Variants in EBF1 observed in about 807,000 individuals in gnomAD.
EBF1 encodes the protein EBF transcription factor 1, also known as transcription factor COE1.
A neutral mutation model predicts 68.4 loss-of-function variants in EBF1; 10 were observed. That is an observed-to-expected ratio of 0.15 (90% CI 0.09 to 0.25). The LOEUF is 0.25. Among genes scored for constraint, EBF1 ranks in the 10% least tolerant of loss-of-function variants. The pLI is 1.00. For missense variants in EBF1, 509 were observed against 794.4 expected (o/e 0.64, Z 4.32); for synonymous variants, 298 against 299.8 (o/e 0.99, Z 0.06).
intron 9 of EBF1, among the ~76,000 whole-genome samples, chr5:158,781,428 A>G (rs1041681800): frequency 8.6e-5 from 13 of 151,696 alleles, no homozygotes; most frequent in African/African-American, 2.9e-4. Context: ...ACCTCAGCTA[A>G]ACTGATTTCC....
intron 6 of EBF1, among the ~76,000 whole-genome samples, chr5:158,860,537 T>C (rs1794793253): frequency 6.6e-6 from 1 of 152,178 alleles, no homozygotes. Flanking sequence ...CCTCTCACGA[T>C]TTCCACTGAG....
chr5:158,860,871 G>C (rs1794850632), intron 6 of EBF1, among the ~76,000 whole-genome samples: 1 of 152,116 alleles, frequency 6.6e-6, no homozygotes, highest in South Asian at 2.1e-4. Context: ...CCCTGCACAA[G>C]GGTGAGCGTG....
chr5:158,743,999 C>T (rs1349293249), intron 10 of EBF1, among the ~76,000 whole-genome samples: 1 of 151,890 alleles, frequency 6.6e-6, no homozygotes, highest in Non-Finnish European at 1.5e-5. Context: ...GGTGAAACTC[C>T]GTCTCTACTA....
At chr5:158,857,833 CT>C (rs1794323661) in intron 6 of EBF1, among the ~76,000 whole-genome samples, 1 of 152,172 alleles carries the variant, frequency 6.6e-6, no homozygotes, top group Non-Finnish European at 1.5e-5. Flanking sequence ...AATTAGAGTA[CT>C]TTATTATCAC....
chr5:158,905,451 C>T (rs185403742), intron 6 of EBF1, among the ~76,000 whole-genome samples: 4 of 152,078 alleles, frequency 2.6e-5, no homozygotes, highest in South Asian at 2.1e-4. Context: ...TTTGGCATTG[C>T]GATAGCACTG....
chr5:159,092,263 C>T (rs184355471), intron 4 of EBF1, among the ~76,000 whole-genome samples: 56 of 152,288 alleles, frequency 3.7e-4, no homozygotes, highest in Admixed American at 2.0e-3. Flanking sequence ...AGTAATGACA[C>T]GAAAACAAAC....
At chr5:158,849,977 T>G (rs1487016058) in intron 6 of EBF1, among the ~76,000 whole-genome samples, 1 of 152,246 alleles carries the variant, frequency 6.6e-6, no homozygotes, top group African/African-American at 2.4e-5. Context: ...CATCTCACAC[T>G]CTGTAAAATG....
intron 6 of EBF1, among the ~76,000 whole-genome samples, chr5:158,854,252 A>G (rs1246333632): frequency 6.6e-6 from 1 of 152,230 alleles, no homozygotes; most frequent in African/African-American, 2.4e-5. Flanking sequence ...TAAAATAAAA[A>G]CAATAACAAA....
chr5:158,968,711 A>G (rs1383760416), intron 6 of EBF1, among the ~76,000 whole-genome samples: 1 of 152,236 alleles, frequency 6.6e-6, no homozygotes, highest in Non-Finnish European at 1.5e-5. Flanking sequence ...AGGACTTATG[A>G]TCAACTTGTC....
intron 10 of EBF1, among the ~76,000 whole-genome samples, chr5:158,732,329 A>T (rs534219491): frequency 6.6e-6 from 1 of 152,224 alleles, no homozygotes; most frequent in Non-Finnish European, 1.5e-5. Flanking sequence ...AAAAAACTGT[A>T]TTAAATTCAA....
intron 6 of EBF1, among the ~76,000 whole-genome samples, chr5:158,886,292 A>C (rs1481427879): frequency 2.6e-5 from 4 of 152,254 alleles, no homozygotes; most frequent in Non-Finnish European, 5.9e-5. Flanking sequence ...TTGGCAAATC[A>C]AAAGCTGGTC....
chr5:159,016,950 A>G (rs1765721637), intron 6 of EBF1, among the ~76,000 whole-genome samples: 1 of 152,250 alleles, frequency 6.6e-6, no homozygotes, highest in African/African-American at 2.4e-5. Flanking sequence ...TCTCTAGAGC[A>G]GTGAGTCCAC....
intron 6 of EBF1, among the ~76,000 whole-genome samples, chr5:158,921,668 A>G (rs971649674): frequency 2.6e-5 from 4 of 152,198 alleles, no homozygotes; most frequent in Non-Finnish European, 5.9e-5. Flanking sequence ...ATTCATCATT[A>G]CCAGCCGGAG....
intron 6 of EBF1, among the ~76,000 whole-genome samples, chr5:158,963,820 A>T (rs1219531717): frequency 1.3e-5 from 2 of 152,180 alleles, no homozygotes; most frequent in African/African-American, 4.8e-5. Flanking sequence ...GTTGAGGTTT[A>T]TTGCTTTGTT....
intron 6 of EBF1, among the ~76,000 whole-genome samples, chr5:158,856,441 C>G (rs982708060): frequency 6.6e-6 from 1 of 152,112 alleles, no homozygotes; most frequent in Non-Finnish European, 1.5e-5. Context: ...ATTATGGAAG[C>G]AAGTTTGCCT....
intron 8 of EBF1, among the ~76,000 whole-genome samples, chr5:158,818,935 A>AC (rs1183407292): frequency 2.2e-5 from 3 of 137,574 alleles, no homozygotes; most frequent in African/African-American, 6.5e-5. Flanking sequence ...AACAATAACA[A>AC]AAAAAAAAAA....
At chr5:158,737,809 G>A (rs1247658429) in intron 10 of EBF1, among the ~76,000 whole-genome samples, 1 of 152,132 alleles carries the variant, frequency 6.6e-6, no homozygotes, top group Non-Finnish European at 1.5e-5. Flanking sequence ...CTAGGAGGAT[G>A]AAACAAAGCA....
Position 158,957,733 on chromosome 5 carries a change from G to A in EBF1, c.554+115663C>T, listed in dbSNP as rs937171293. ...CCTTTGTCCCTATTCTGCCATGGAC[G>A]CTTCCTCTGCCAAACATTTCATAGT... On this transcript the variant is annotated intron_variant, in intron 6 of 15. Coordinates refer to ENST00000313708, the MANE Select transcript of EBF1 (RefSeq NM_024007.5). Among the ~76,000 whole-genome samples, 24 of 152,278 alleles carry A rather than the reference G, an allele frequency of 1.6e-4. No homozygotes were observed. The South Asian group carries it at 4.1e-3, about 26-fold the overall frequency.
At chr5:158,998,399 C>T (rs1274294578) in intron 6 of EBF1, among the ~76,000 whole-genome samples, 1 of 152,164 alleles carries the variant, frequency 6.6e-6, no homozygotes, top group Non-Finnish European at 1.5e-5. Context: ...CACTAACTAC[C>T]TGAGATTATA....
Sources: gnomAD v4.1 joint callset for allele counts (sites outside exome capture counted in the v4.1 genomes callset) on GRCh38, gnomAD v4.1.1 for gene constraint, MANE v1.5 for transcripts, NCBI Gene and HGNC (gene_info 2026-07-23, HGNC 2026-07-21) for gene names.